Variants in PAWR observed in about 807,000 individuals in gnomAD.
PAWR encodes the protein pro-apoptotic WT1 regulator.
PAWR carries 23 observed loss-of-function variants against 32.0 expected under a neutral mutation model. That is an observed-to-expected ratio of 0.72 (90% CI 0.52 to 1.02). PAWR has a LOEUF of 1.02. Ranked by LOEUF, PAWR falls within the 50% of genes least tolerant of loss-of-function variation. The pLI is 0.00. For missense variants in PAWR, 457 were observed against 437.7 expected, an observed-to-expected ratio of 1.04 and a Z score of -0.39; for synonymous variants, 226 against 187.1, an observed-to-expected ratio of 1.21 and a Z score of -1.70.
chr12:79,616,322 AT>A (rs1874731367), intron 3 of PAWR, among the ~76,000 whole-genome samples: 1 of 152,088 alleles, frequency 6.6e-6, no homozygotes, highest in Non-Finnish European at 1.5e-5. Context: ...CATCAGCTTG[AT>A]TGCCCAGATT....
intron 4 of PAWR, among the ~76,000 whole-genome samples, chr12:79,610,120 A>G (rs1351042489): frequency 1.3e-5 from 2 of 152,064 alleles, no homozygotes; most frequent in African/African-American, 4.8e-5. Flanking sequence ...GCACCTGTGC[A>G]CTCCAGTTCC....
At position 79,690,334 on chromosome 12, in the gene PAWR, T is replaced by C; in HGVS notation, c.-90A>G. On this transcript the variant is annotated 5_prime_UTR_variant, in exon 2 of 7. Transcript: ENST00000328827. Reference sequence around the variant, plus strand: ...CTCTTCCTTCCTGCGGCCCCGAGGATGCCAGGAGACGACCTCCAGGAGAGG... The same window carrying C: ...CTCTTCCTTCCTGCGGCCCCGAGGACGCCAGGAGACGACCTCCAGGAGAGG... 7.4e-7 allele frequency: 1 copy of C among 1,357,416 alleles called. No homozygotes were observed. Among genetic ancestry groups the C allele is most frequent in the South Asian group, 1.7e-5 (1 of 58,676 alleles). The allele number at this position is 1,357,416 out of a possible 1,614,324, so 84.1% of individuals were successfully genotyped here.
intron 2 of PAWR, among the ~76,000 whole-genome samples, chr12:79,637,910 G>A (rs1024734404): frequency 6.6e-6 from 1 of 152,072 alleles, no homozygotes; most frequent in African/African-American, 2.4e-5. Context: ...AATTCAAATA[G>A]TTGTGGATAT....
intron 2 of PAWR, among the ~76,000 whole-genome samples, chr12:79,648,459 C>A (rs1244379354): frequency 6.6e-6 from 1 of 151,938 alleles, no homozygotes; most frequent in African/African-American, 2.4e-5. Context: ...ACAACAACAA[C>A]CACACACACA....
At chr12:79,619,621 T>C (rs1395355278) in intron 3 of PAWR, among the ~76,000 whole-genome samples, 1 of 152,204 alleles carries the variant, frequency 6.6e-6, no homozygotes. Flanking sequence ...GGTACTGCTA[T>C]ACTAGTATCA....
chr12:79,629,690 G>GT (rs1875514507), intron 2 of PAWR, among the ~76,000 whole-genome samples: 1 of 151,648 alleles, frequency 6.6e-6, no homozygotes, highest in South Asian at 2.1e-4. Context: ...GTTTTGTTTT[G>GT]TTTTTCGAAA....
chr12:79,638,514 CAT>C, intron 2 of PAWR, among the ~76,000 whole-genome samples: 1 of 152,142 alleles, frequency 6.6e-6, no homozygotes. Flanking sequence ...CTAATCAACA[CAT>C]ATTTTCTTAT....
intron 2 of PAWR, among the ~76,000 whole-genome samples, chr12:79,653,080 G>A (rs556772182): frequency 3.2e-4 from 48 of 152,230 alleles, no homozygotes; most frequent in African/African-American, 1.1e-3. Flanking sequence ...TCTCGCTGTT[G>A]TTGCCCGGGC....
At chr12:79,644,637 T>C (rs894128885) in intron 2 of PAWR, among the ~76,000 whole-genome samples, 11 of 152,178 alleles carry the variant, frequency 7.2e-5, no homozygotes, top group Non-Finnish European at 7.4e-5. Context: ...TGAGCAAAGA[T>C]AGAAAGCTTC....
At chr12:79,630,956 A>T (rs950060299) in intron 2 of PAWR, among the ~76,000 whole-genome samples, 1 of 152,154 alleles carries the variant, frequency 6.6e-6, no homozygotes, top group Non-Finnish European at 1.5e-5. Flanking sequence ...AGCATAAAAA[A>T]TGCAAAATAT....
intron 2 of PAWR, among the ~76,000 whole-genome samples, chr12:79,652,830 A>C (rs535988838): frequency 6.6e-6 from 1 of 152,340 alleles, no homozygotes; most frequent in African/African-American, 2.4e-5. Flanking sequence ...ATGTTGTATC[A>C]TGAATTCACA....
chr12:79,619,698 G>C (rs1423905463), intron 3 of PAWR, among the ~76,000 whole-genome samples: 1 of 152,056 alleles, frequency 6.6e-6, no homozygotes, highest in African/African-American at 2.4e-5. Flanking sequence ...CAAAGACTAC[G>C]TAATTAGATC....
intron 2 of PAWR, among the ~76,000 whole-genome samples, chr12:79,628,032 T>G (rs1875427666): frequency 6.6e-6 from 1 of 152,042 alleles, no homozygotes; most frequent in African/African-American, 2.4e-5. Flanking sequence ...CCACACCTAC[T>G]CCAAAATTGA....
At chr12:79,650,063 G>A (rs1284868193) in intron 2 of PAWR, among the ~76,000 whole-genome samples, 1 of 152,130 alleles carries the variant, frequency 6.6e-6, no homozygotes, top group African/African-American at 2.4e-5. Context: ...CGCTCAGGCC[G>A]TAATGTTTGC....
At chr12:79,688,307 T>C (rs1274577490) in intron 2 of PAWR, 2 of 152,002 alleles carry the variant, frequency 1.3e-5, no homozygotes, top group East Asian at 1.9e-4. Context: ...TGCCAAGATA[T>C]TTCCCAAAAT....
intron 3 of PAWR, among the ~76,000 whole-genome samples, chr12:79,614,011 T>A (rs1874604974): frequency 2.0e-5 from 1 of 49,890 alleles, no homozygotes; most frequent in African/African-American, 6.9e-5. Flanking sequence ...TTTTTTTTTT[T>A]TTTTTTTTTT....
At chr12:79,621,512 G>A (rs1008536026) in intron 2 of PAWR, among the ~76,000 whole-genome samples, 4 of 151,766 alleles carry the variant, frequency 2.6e-5, no homozygotes, top group South Asian at 2.1e-4. Flanking sequence ...AGTAAACTAC[G>A]TCTACCTTAA....
rs1873403551 is a variant in PAWR at position 79,587,048 on chromosome 12, T to C, written c.*5559A>G. 6.6e-6 allele frequency: 1 copy of C among 152,116 alleles called. No individual in the cohort carries two copies. The highest frequency in any genetic ancestry group is 2.4e-5 in the African/African-American group (1 of 41,436). The allele number at this position is 152,116 out of a possible 1,614,324, so 9.4% of individuals were successfully genotyped here. On this transcript the variant is annotated 3_prime_UTR_variant, in exon 7 of 7. Coordinates refer to ENST00000328827, the MANE Select transcript of PAWR (RefSeq NM_002583.4). ...TAGTTTACAGCTGCTGATAGAATTGTGTGCACGCGTGCATGCATGCATAAA... is the reference window on the plus strand; with the variant it reads ...TAGTTTACAGCTGCTGATAGAATTGCGTGCACGCGTGCATGCATGCATAAA...
intron 3 of PAWR, among the ~76,000 whole-genome samples, chr12:79,617,444 G>A (rs1447928828): frequency 1.3e-5 from 2 of 152,106 alleles, no homozygotes; most frequent in Non-Finnish European, 2.9e-5. Flanking sequence ...AGGGGTGGGA[G>A]TCTTCTTATG....
Sources: gnomAD v4.1 joint callset for allele counts (sites outside exome capture counted in the v4.1 genomes callset) on GRCh38, gnomAD v4.1.1 for gene constraint, MANE v1.5 for transcripts, NCBI Gene and HGNC (gene_info 2026-07-23, HGNC 2026-07-21) for gene names.